RASGRP2: variants seen among roughly 807,000 people sequenced by gnomAD.
The protein encoded by RASGRP2 is RAS guanyl-releasing protein 2.
In RASGRP2, 44 loss-of-function variants were observed where a neutral mutation model predicts 71.0. The observed-to-expected ratio is 0.62, with a 90% CI of 0.49 to 0.80. The LOEUF is 0.80. RASGRP2 is among the 30% of genes least tolerant of loss of function. RASGRP2 has a pLI of 0.00. For missense variants in RASGRP2, 663 were observed against 813.4 expected (o/e 0.82, Z 2.25); for synonymous variants, 350 against 330.7 (o/e 1.06, Z -0.63).
rs767231475 is a variant in RASGRP2, at chr11:64,742,124, G to A, written c.74-12C>T. The A allele has an allele frequency of 1.3e-5, 20 of 1,571,924 alleles. No homozygotes were observed. In the African/African-American group the frequency reaches 1.9e-4, roughly 15 times the overall value. ...CTTCCCGGAGTCATCTGACTCCGAA[G>A]GGTCAAAGACAGGTGGCTGAGCTGG... On this transcript the variant is annotated splice_polypyrimidine_tract_variant and intron_variant, in intron 2 of 16. Coordinates refer to ENST00000394432, the MANE Select transcript of RASGRP2 (RefSeq NM_001098671.2). The surrounding 1 kb of genome is among the most constrained non-coding windows in gnomAD (Gnocchi z 4.7).
upstream of RASGRP2, chr11:64,744,220 C>T (rs193154567): frequency 3.2e-4 from 319 of 985,920 alleles, 9 homozygotes; most frequent in East Asian, 0.028. Flanking sequence ...CGCCCCCCTC[C>T]CATTTGCGGT....
At chr11:64,740,375 C>A (rs867202125) in intron 5 of RASGRP2, 22 of 711,792 alleles carry the variant, frequency 3.1e-5, no homozygotes, top group Middle Eastern at 2.3e-4. Flanking sequence ...TACTCTGTGC[C>A]AGGCACTGTG....
Position 64,742,581 on chromosome 11 carries a change from G to T in RASGRP2, c.73+213C>A. ...ACCCGGCCCTCCCTTCGCCGCCGCTGGGGAAGGCTAGAGAAGGGAAACCTC... is the reference window on the plus strand; with the variant it reads ...ACCCGGCCCTCCCTTCGCCGCCGCTTGGGAAGGCTAGAGAAGGGAAACCTC... On this transcript the variant is annotated intron_variant, in intron 2 of 16. Transcript: ENST00000394432. The surrounding 1 kb of genome is among the most constrained non-coding windows in gnomAD (Gnocchi z 4.7). The T allele has an allele frequency of 1.5e-6, 1 of 662,786 alleles. No individual in the cohort carries two copies. The highest frequency in any genetic ancestry group is 2.6e-6 in the Non-Finnish European group (1 of 389,512). 41.1% of individuals were successfully genotyped at this position (662,786 alleles called of 1,614,324 possible).
intron 12 of RASGRP2, among the ~76,000 whole-genome samples, chr11:64,731,686 T>C (rs1325928662): frequency 2.0e-5 from 3 of 152,048 alleles, no homozygotes; most frequent in African/African-American, 7.2e-5. Context: ...AATAAACATA[T>C]GAAAAGATAC....
In RASGRP2 at chr11:64,743,707, C is replaced by A. The variant is rs1173345490; in HGVS notation, c.-72+296G>T. On this transcript the variant is annotated intron_variant, in intron 1 of 16. Transcript: ENST00000394432. The surrounding 1 kb of genome is among the most constrained non-coding windows in gnomAD (Gnocchi z 4.9). ...CTGGCCCCGGCCCCGCACAGGCGAA[C>A]TGTGAGCGCGCACGGAGCAGGGTGT... is the stretch of plus-strand genomic sequence containing the variant. The A allele has an allele frequency of 5.4e-6, 2 of 369,638 alleles. No individual in the cohort carries two copies. The highest frequency in any genetic ancestry group is 1.0e-5 in the Non-Finnish European group (2 of 191,622). 22.9% of individuals were successfully genotyped at this position (369,638 alleles called of 1,614,324 possible).
chr11:64,742,986 A>G lies in RASGRP2; in HGVS notation c.-71-49T>C. 1 of 1,502,896 alleles carries G rather than the reference A, an allele frequency of 6.7e-7. No homozygotes were observed. The highest frequency in any genetic ancestry group is 8.8e-7 in the Non-Finnish European group (1 of 1,129,970). The allele number at this position is 1,502,896 out of a possible 1,614,324, so 93.1% of individuals were successfully genotyped here. A position where few individuals can be genotyped will look rare whatever the true frequency, so the allele number is the denominator to read the frequency against. ...GAGTCTGCGGAGTCGCGGGCGGGGG[A>G]GCGGCCCCGCGGGCAGAAACGGGGC... On this transcript the variant is annotated intron_variant, in intron 1 of 16. Coordinates refer to ENST00000394432, the MANE Select transcript of RASGRP2 (RefSeq NM_001098671.2). The surrounding 1 kb of genome is among the most constrained non-coding windows in gnomAD (Gnocchi z 4.7).
At chr11:64,744,459 C>A (rs552373525), upstream of RASGRP2, 2 of 262,064 alleles carry the variant, frequency 7.6e-6, no homozygotes, top group South Asian at 2.9e-4. Flanking sequence ...ATCACTTGGC[C>A]TCTGGGAGCC....
At position 64,743,288 on chromosome 11, in the gene RASGRP2, T is replaced by C. The variant is rs532204952; in HGVS notation, c.-71-351A>G. ...CACCTGCAGCACCCCGCAGCTCGGC[T>C]CTGCGCCCCTCCCGCTTCCCTCCCT... On this transcript the variant is annotated intron_variant, in intron 1 of 16. Coordinates refer to ENST00000394432, the MANE Select transcript of RASGRP2 (RefSeq NM_001098671.2). This position sits in a 1 kb window ranked among gnomAD's most constrained non-coding sequence, Gnocchi z 4.9. The C allele has an allele frequency of 6.0e-5, 28 of 467,098 alleles. No homozygotes were observed. Among genetic ancestry groups the C allele is most frequent in the Admixed American group, 3.5e-4 (15 of 42,320 alleles). 28.9% of individuals were successfully genotyped at this position (467,098 alleles called of 1,614,324 possible).
intron 13 of RASGRP2, 117 bp downstream of exon 13, chr11:64,729,936 A>T (rs2057707154): frequency 6.5e-7 from 1 of 1,542,102 alleles, no homozygotes; most frequent in East Asian, 2.3e-5. Flanking sequence ...AGGCAAATAG[A>T]ATTACCAGGT....
chr11:64,742,712 C>G lies in RASGRP2; in HGVS notation c.73+82G>C. 1.9e-6 allele frequency: 3 copies of G among 1,541,696 alleles called. No homozygotes were observed. Among genetic ancestry groups the G allele is most frequent in the East Asian group, 2.4e-5 (1 of 41,336 alleles). On this transcript the variant is annotated intron_variant, in intron 2 of 16. Coordinates refer to ENST00000394432, the MANE Select transcript of RASGRP2 (RefSeq NM_001098671.2). This position sits in a 1 kb window ranked among gnomAD's most constrained non-coding sequence, Gnocchi z 4.7. ...GGTGGGTCCGGGTCAGGGCTGTGCC[C>G]TGGACTGTGCCTGGGAGGCAGGGAC...
At chr11:64,730,024 G>T (rs1282263865) in intron 13 of RASGRP2, 29 bp downstream of exon 13, 2 of 1,546,674 alleles carry the variant, frequency 1.3e-6, no homozygotes, top group African/African-American at 1.4e-5. Context: ...GGCGTGGCTT[G>T]GGCCGTGAGC....
intron 15 of RASGRP2, 92 bp downstream of exon 15, chr11:64,728,771 T>A (rs1464762598): frequency 1.8e-5 from 23 of 1,295,464 alleles, no homozygotes; most frequent in Middle Eastern, 5.4e-4. Context: ...AAGAGAATTA[T>A]GCACTTTGGA....
Position 64,743,267 on chromosome 11 carries a change from T to A in RASGRP2, c.-71-330A>T. 4.2e-6 allele frequency: 2 copies of A among 477,970 alleles called. No homozygotes were observed. Among genetic ancestry groups the A allele is most frequent in the Non-Finnish European group, 8.3e-6 (2 of 241,586 alleles). The allele number at this position is 477,970 out of a possible 1,614,324, so 29.6% of individuals were successfully genotyped here. On this transcript the variant is annotated intron_variant, in intron 1 of 16. Coordinates refer to ENST00000394432, the MANE Select transcript of RASGRP2 (RefSeq NM_001098671.2). The surrounding 1 kb of genome is among the most constrained non-coding windows in gnomAD (Gnocchi z 4.9). The stretch of plus-strand genomic sequence containing the variant: ...CTCGCGCCCTCTCCCCAGAGGCACC[T>A]GCAGCACCCCGCAGCTCGGCTCTGC...
Position 64,735,613 on chromosome 11 carries a change from C to T in RASGRP2, c.1225G>A (p.Glu409Lys). The change falls in exon 11 of 17, where the codon GAG becomes AAG. Residue 409 changes from glutamate (E) to lysine (K), a missense_variant. Coordinates refer to ENST00000394432, the MANE Select transcript of RASGRP2 (RefSeq NM_001098671.2). This position sits in a 1 kb window ranked among gnomAD's most constrained non-coding sequence, Gnocchi z 4.2. ...TTGGGTTTGGCAGCCGAGGTCCACT[C>T]CTCCAGTACCGGGGGCCGGGGTGGT... ...TPPPRPPVLEEWTSAAKPKLD... is the reference protein window; with the variant it reads ...TPPPRPPVLEKWTSAAKPKLD... The T allele has an allele frequency of 1.9e-6, 3 of 1,614,056 alleles. No homozygotes were observed. The highest frequency in any genetic ancestry group is 2.2e-5 in the East Asian group (1 of 44,882).
rs558873649 is a variant in RASGRP2, at chr11:64,735,248, C to T, written c.1297-21G>A. ...ACAGACTGGGGCACGCAGAGGGACA[C>T]GCAGAGCCAGAAGAGGGGAGAGTAA... On this transcript the variant is annotated intron_variant, in intron 11 of 16. Transcript: ENST00000394432. The surrounding 1 kb of genome is among the most constrained non-coding windows in gnomAD (Gnocchi z 4.2). 4.0e-5 allele frequency: 63 copies of T among 1,586,782 alleles called. 2 individuals carry two copies. Among genetic ancestry groups the T allele is most frequent in the East Asian group, 2.7e-4 (12 of 44,750 alleles).
Position 64,744,055 on chromosome 11 carries a change from G to T in RASGRP2, c.-124C>A, listed in dbSNP as rs1555130879. The T allele has an allele frequency of 1.0e-6, 1 of 988,408 alleles. No individual in the cohort carries two copies. Among genetic ancestry groups the T allele is most frequent in the South Asian group, 4.5e-5 (1 of 22,276 alleles). 61.2% of individuals were successfully genotyped at this position (988,408 alleles called of 1,614,324 possible). A position where few individuals can be genotyped will look rare whatever the true frequency, so the allele number is the denominator to read the frequency against. On this transcript the variant is annotated 5_prime_UTR_variant, in exon 1 of 17. Coordinates refer to ENST00000394432, the MANE Select transcript of RASGRP2 (RefSeq NM_001098671.2). ...CCGCGGACGAGGTCGCCTCCTGGAC[G>T]TGCTGTTCACTTGAGCCAGGCCAGC...
In RASGRP2 at chr11:64,727,157, G is replaced by A. The variant is rs2057588780; in HGVS notation, c.*7-26C>T. Reference sequence around the variant, plus strand: ...CTGGGAAGAGAAAAACAGGTTGTGAGGAAGACACCCCCCTAACAACAAGGT... The same window carrying A: ...CTGGGAAGAGAAAAACAGGTTGTGAAGAAGACACCCCCCTAACAACAAGGT... On this transcript the variant is annotated intron_variant, in intron 16 of 16. Coordinates refer to ENST00000394432, the MANE Select transcript of RASGRP2 (RefSeq NM_001098671.2). 1.1e-5 allele frequency: 8 copies of A among 707,110 alleles called. No homozygotes were observed. In the East Asian group the frequency reaches 1.7e-4, roughly 15 times the overall value. The allele number at this position is 707,110 out of a possible 1,614,324, so 43.8% of individuals were successfully genotyped here. A position where few individuals can be genotyped will look rare whatever the true frequency, so the allele number is the denominator to read the frequency against.
At chr11:64,727,879 G>A (rs1236073962) in intron 15 of RASGRP2, among the ~76,000 whole-genome samples, 1 of 152,150 alleles carries the variant, frequency 6.6e-6, no homozygotes, top group Non-Finnish European at 1.5e-5. Context: ...TTCAGCCACA[G>A]ATTTGTCAGC....
At chr11:64,727,741 T>C (rs2057618734) in intron 15 of RASGRP2, among the ~76,000 whole-genome samples, 1 of 152,074 alleles carries the variant, frequency 6.6e-6, no homozygotes. Flanking sequence ...GGTCTCCAAC[T>C]CCTGACCTCG....
Sources: allele counts gnomAD v4.1 joint callset (sites outside exome capture counted in the v4.1 genomes callset), GRCh38; gene constraint gnomAD v4.1.1; non-coding constraint Gnocchi (gnomAD v3.1); transcripts MANE v1.5; gene names NCBI Gene and HGNC (gene_info 2026-07-23, HGNC 2026-07-21).